TNRC6B: variants seen among roughly 807,000 people sequenced by gnomAD.
TNRC6B encodes trinucleotide repeat containing adaptor 6B.
A neutral mutation model predicts 203.6 loss-of-function variants in TNRC6B; 52 were observed. The ratio of observed to expected loss-of-function variants is 0.26; its 90% CI spans 0.20 to 0.32. The LOEUF (loss-of-function observed/expected upper bound fraction) is 0.32, where lower values mean the gene tolerates loss of function less well. Among genes scored for constraint, TNRC6B ranks in the 10% least tolerant of loss-of-function variants. The probability of loss-of-function intolerance (pLI) is 1.00; values close to 1 mark genes in which losing one functional copy is unlikely to be tolerated. For synonymous variants in TNRC6B, 838 were observed against 845.7 expected, an observed-to-expected ratio of 0.99 and a Z score of 0.16; for missense variants, 1,923 against 2,286.2, an observed-to-expected ratio of 0.84 and a Z score of 3.24.
At chr22:40,085,611 A>G (rs1363031731) in intron 1 of TNRC6B, among the ~76,000 whole-genome samples, 6 of 152,172 alleles carry the variant, frequency 3.9e-5, no homozygotes, top group African/African-American at 4.8e-5. Flanking sequence ...TTGTAGTTAT[A>G]TCCAGAGGAG....
intron 4 of TNRC6B, among the ~76,000 whole-genome samples, chr22:40,170,377 T>A (rs1318972533): frequency 4.0e-5 from 3 of 75,350 alleles, no homozygotes; most frequent in African/African-American, 6.8e-5. Flanking sequence ...TATATATATA[T>A]TATATATATA....
chr22:40,315,652 T>C, intron 20 of TNRC6B, 145 bp downstream of exon 20: 2 of 766,996 alleles, frequency 2.6e-6, no homozygotes, highest in Non-Finnish European at 3.9e-6. Flanking sequence ...AAGGTACCTC[T>C]TGAGTGAGTG....
intron 6 of TNRC6B, among the ~76,000 whole-genome samples, chr22:40,271,830 T>C (rs1301609844): frequency 6.6e-6 from 1 of 152,236 alleles, no homozygotes; most frequent in Non-Finnish European, 1.5e-5. Context: ...ATGTGTAATG[T>C]GCGGAAGAAA....
At chr22:40,270,695 TGTTG>T (rs2070550140) in intron 6 of TNRC6B, among the ~76,000 whole-genome samples, 1 of 152,212 alleles carries the variant, frequency 6.6e-6, no homozygotes, top group Non-Finnish European at 1.5e-5. Flanking sequence ...AGTTTTAAGC[TGTTG>T]ATTCAATGAG....
intron 1 of TNRC6B, among the ~76,000 whole-genome samples, chr22:40,222,506 G>A (rs2069723543): frequency 6.6e-6 from 1 of 152,086 alleles, no homozygotes; most frequent in African/African-American, 2.4e-5. Flanking sequence ...GCCTAAGGTG[G>A]CCTTTCTTCT....
intron 4 of TNRC6B, among the ~76,000 whole-genome samples, chr22:40,171,038 G>T (rs1333916563): frequency 1.5e-5 from 1 of 68,464 alleles, no homozygotes; most frequent in East Asian, 2.7e-4. Flanking sequence ...ACCTATATAG[G>T]TGTATATATA....
At chr22:40,059,908 C>T (rs753435794) in intron 1 of TNRC6B, among the ~76,000 whole-genome samples, 6 of 150,298 alleles carry the variant, frequency 4.0e-5, no homozygotes, top group Admixed American at 1.3e-4. Context: ...CTGCAACCTC[C>T]GCCTCCCAGG....
intron 3 of TNRC6B, among the ~76,000 whole-genome samples, chr22:40,147,415 A>C (rs1265728617): frequency 2.0e-5 from 3 of 152,214 alleles, no homozygotes; most frequent in Non-Finnish European, 4.4e-5. Context: ...TGCTGCTATA[A>C]CAAAATACCA....
At chr22:40,284,163 A>T in intron 11 of TNRC6B, among the ~76,000 whole-genome samples, 1 of 152,234 alleles carries the variant, frequency 6.6e-6, no homozygotes, top group East Asian at 1.9e-4. Flanking sequence ...TCATGTTTCA[A>T]CAACCCTTGG....
intron 13 of TNRC6B, 79 bp from the exon 14 acceptor site, chr22:40,300,831 G>A: frequency 7.1e-7 from 1 of 1,409,478 alleles, no homozygotes; most frequent in Non-Finnish European, 9.8e-7. Flanking sequence ...CTGTACTTCA[G>A]TGCACAGACC....
At position 40,272,244 on chromosome 22, in the gene TNRC6B, GCCC is replaced by G. The variant is rs1324894484; in HGVS notation, c.2966-1179_2966-1177del. 2.0e-5 allele frequency among the ~76,000 whole-genome samples: 3 copies of G among 152,200 alleles called. No individual in the cohort carries two copies. In the South Asian group the frequency reaches 6.2e-4, roughly 31 times the overall value. On this transcript the variant is annotated intron_variant, in intron 6 of 22. Transcript: ENST00000454349. ...CAACCCTCCCCCTTGTGCACAGACA[GCCC>G]CTTCCTGTGGCTACAATGAACCCCA... is the stretch of plus-strand genomic sequence containing the variant.
intron 1 of TNRC6B, among the ~76,000 whole-genome samples, chr22:40,184,336 G>A (rs2069174750): frequency 6.6e-6 from 1 of 152,160 alleles, no homozygotes; most frequent in Non-Finnish European, 1.5e-5. Context: ...AGAGATAACA[G>A]CTTCTGCAAA....
Position 40,310,870 on chromosome 22 carries a change from G to C in TNRC6B, c.4312G>C (p.Asp1438His). The change falls in exon 17 of 23, where the codon GAT (aspartate) becomes CAT (histidine). Residue 1438 changes from aspartate (D) to histidine (H), a missense_variant. Transcript: ENST00000454349. ...GGGAGGGTCACCGTACAACCAGTTT[G>C]ATATCATCCCTGGTGACACACTGGG... ...TRGGSPYNQFDIIPGDTLGGH... is the reference protein window; with the variant it reads ...TRGGSPYNQFHIIPGDTLGGH... The C allele has an allele frequency of 6.2e-7, 1 of 1,612,830 alleles. No individual in the cohort carries two copies. Among genetic ancestry groups the C allele is most frequent in the Non-Finnish European group, 8.5e-7 (1 of 1,179,492 alleles).
intron 1 of TNRC6B, among the ~76,000 whole-genome samples, chr22:40,206,446 TAAATA>T (rs2069478636): frequency 6.8e-6 from 1 of 148,138 alleles, no homozygotes; most frequent in Non-Finnish European, 1.5e-5. Context: ...AACTAACATC[TAAATA>T]GACAGAGCTT....
In TNRC6B at chr22:40,156,074, A is replaced by T. The variant is rs199724831; in HGVS notation, c.46-41A>T. On this transcript the variant is annotated intron_variant, in intron 3 of 23. Coordinates refer to the TNRC6B transcript ENST00000301923. Reference sequence around the variant, plus strand: ...GGGTTCTTGGAGTGAGTCGCATTGTAGTTACTGACTGCTGCTGACCTGTGG... The same window carrying T: ...GGGTTCTTGGAGTGAGTCGCATTGTTGTTACTGACTGCTGCTGACCTGTGG... The T allele has an allele frequency of 8.4e-6, 13 of 1,545,610 alleles. No homozygotes were observed. In the Admixed American group the frequency reaches 2.5e-4, roughly 30 times the overall value.
intron 1 of TNRC6B, among the ~76,000 whole-genome samples, chr22:40,199,620 A>G (rs1421230002): frequency 6.6e-6 from 1 of 152,178 alleles, no homozygotes; most frequent in African/African-American, 2.4e-5. Flanking sequence ...AGACATGTCA[A>G]CTAAATGCAA....
chr22:40,286,776 G>A (rs896859034), intron 12 of TNRC6B, among the ~76,000 whole-genome samples: 4 of 152,202 alleles, frequency 2.6e-5, no homozygotes, highest in African/African-American at 7.2e-5. Context: ...AGAGATTTGT[G>A]TTAGTCTACC....
chr22:40,188,548 G>GGTGATCGCGT (rs2069234309), intron 1 of TNRC6B, among the ~76,000 whole-genome samples: 1 of 152,188 alleles, frequency 6.6e-6, no homozygotes. Context: ...AGACCTAGCA[G>GGTGATCGCGT]GTGATCGCGT....
At chr22:40,235,240 A>G (rs2069931638) in intron 1 of TNRC6B, among the ~76,000 whole-genome samples, 1 of 152,154 alleles carries the variant, frequency 6.6e-6, no homozygotes, top group East Asian at 1.9e-4. Flanking sequence ...TTAAATCTGT[A>G]TTGGGCAGAG....
Sources: allele counts gnomAD v4.1 joint callset (sites outside exome capture counted in the v4.1 genomes callset), GRCh38; gene constraint gnomAD v4.1.1; transcripts MANE v1.5; gene names NCBI Gene and HGNC (gene_info 2026-07-23, HGNC 2026-07-21).